Variants in STON2 observed in about 807,000 individuals in gnomAD.
STON2 encodes the protein stonin-2.
Under a neutral mutation model 65.7 loss-of-function variants are expected in STON2, and 29 were observed. That is an observed-to-expected ratio of 0.44 (90% CI 0.33 to 0.60). STON2 has a LOEUF of 0.60. Among genes scored for constraint, STON2 ranks in the 20% least tolerant of loss-of-function variants. The pLI, the probability that STON2 is intolerant of heterozygous loss-of-function variation, is 0.03. For missense variants in STON2, 1,054 were observed against 1,118.1 expected (o/e 0.94, Z 0.82); for synonymous variants, 404 against 414.2 (o/e 0.98, Z 0.30).
At chr14:81,341,455 T>TG (rs1388338424) in intron 4 of STON2, among the ~76,000 whole-genome samples, 4 of 120,806 alleles carry the variant, frequency 3.3e-5, no homozygotes, top group African/African-American at 8.9e-5. Context: ...TGTTTTTTTT[T>TG]TGTTTTTTTT....
chr14:81,313,216 A>AGATTT, intron 5 of STON2, among the ~76,000 whole-genome samples: 1 of 152,192 alleles, frequency 6.6e-6, no homozygotes, highest in East Asian at 1.9e-4. Flanking sequence ...GAACCCAGGG[A>AGATTT]GTTTTGTTTT....
At position 81,265,777 on chromosome 14, in the gene STON2, G is replaced by C. The variant is rs1399501038; in HGVS notation, c.*2637C>G. ...TTGGTAAAAAAAACAAAAAAGTCCA[G>C]GTGCATGTACACAGGAAATGAGAAT... On this transcript the variant is annotated 3_prime_UTR_variant, in exon 8 of 8. Coordinates refer to ENST00000614646, the MANE Select transcript of STON2 (RefSeq NM_001394390.1). 6 of 985,022 alleles carry C rather than the reference G, an allele frequency of 6.1e-6. No individual in the cohort carries two copies. Among genetic ancestry groups the C allele is most frequent in the Non-Finnish European group, 7.2e-6 (6 of 829,872 alleles). 61.0% of individuals were successfully genotyped at this position (985,022 alleles called of 1,614,324 possible).
chr14:81,310,408 A>G (rs185096754), intron 5 of STON2, among the ~76,000 whole-genome samples: 1 of 152,276 alleles, frequency 6.6e-6, no homozygotes, highest in African/African-American at 2.4e-5. Flanking sequence ...CCTATGAACA[A>G]TTAAGACAAA....
intron 3 of STON2, among the ~76,000 whole-genome samples, chr14:81,393,689 T>C (rs1017952007): frequency 1.1e-4 from 17 of 152,184 alleles, no homozygotes; most frequent in African/African-American, 4.1e-4. Flanking sequence ...AGACAATAAG[T>C]ATGCAGTAAA....
rs12894596 is a variant in STON2, at chr14:81,267,620, A to G, written c.*794T>C. The stretch of plus-strand genomic sequence containing the variant: ...ATTGAATCTACCTCTTGAACTGAAC[A>G]TCATCTTATATTTAATGTCTCTTTT... On this transcript the variant is annotated 3_prime_UTR_variant, in exon 8 of 8. Coordinates refer to ENST00000614646, the MANE Select transcript of STON2 (RefSeq NM_001394390.1). 216,855 of 984,910 alleles carry G rather than the reference A, an allele frequency of 0.22. 24,690 individuals carry two copies. The highest frequency in any genetic ancestry group is 0.36 in the African/African-American group (20,392 of 57,200). The allele number at this position is 984,910 out of a possible 1,614,324, so 61.0% of individuals were successfully genotyped here.
At chr14:81,281,195 A>G (rs2140131423) in intron 5 of STON2, among the ~76,000 whole-genome samples, 1 of 152,318 alleles carries the variant, frequency 6.6e-6, no homozygotes, top group South Asian at 2.1e-4. Context: ...TCTCCTTCAA[A>G]TTAAGCATGA....
At chr14:81,348,875 G>A (rs61986573) in intron 4 of STON2, among the ~76,000 whole-genome samples, 1 of 151,764 alleles carries the variant, frequency 6.6e-6, no homozygotes, top group Non-Finnish European at 1.5e-5. Context: ...TGACTAAACA[G>A]CATGGTAATG....
intron 7 of STON2, chr14:81,269,617 T>C (rs1400102824): frequency 1.0e-6 from 1 of 985,136 alleles, no homozygotes; most frequent in Non-Finnish European, 1.2e-6. Flanking sequence ...CAAGATGGAG[T>C]GTTTGTTCCT....
intron 3 of STON2, among the ~76,000 whole-genome samples, chr14:81,384,603 G>C (rs1382172181): frequency 6.6e-6 from 1 of 152,134 alleles, no homozygotes; most frequent in East Asian, 1.9e-4. Flanking sequence ...TCCCCCCGCA[G>C]AATGTGGGCT....
At chr14:81,435,711 G>GCA (rs1716109783) in intron 1 of STON2, among the ~76,000 whole-genome samples, 1 of 151,672 alleles carries the variant, frequency 6.6e-6, no homozygotes, top group East Asian at 1.9e-4. Flanking sequence ...ACACGCGCGC[G>GCA]CACACACGCA....
rs541004845 is a variant in STON2, at chr14:81,386,537, C to T, written c.373+9357G>A. Among the ~76,000 whole-genome samples the T allele has an allele frequency of 3.0e-4, 45 of 152,308 alleles. No individual in the cohort carries two copies. The South Asian group carries it at 3.7e-3, about 13-fold the overall frequency. On this transcript the variant is annotated intron_variant, in intron 3 of 7. Coordinates refer to ENST00000614646, the MANE Select transcript of STON2 (RefSeq NM_001394390.1). ...AGTTTCCCCAGACACAATGGGAAGG[C>T]CTTAGCCCAAGCTTTTAGGGAAGAC...
Position 81,396,052 on chromosome 14 carries a change from G to A in STON2, c.215C>T (p.Ser72Phe). The change falls in exon 3 of 8, where the codon TCT becomes TTT. Residue 72 changes from serine (S) to phenylalanine (F), a missense_variant. By Grantham distance (155) the Ser-to-Phe change is radical (BLOSUM62 -2). Transcript: ENST00000614646. ...DHSHSEQDDSSEKMGLISEAA... is the reference protein window; with the variant it reads ...DHSHSEQDDSFEKMGLISEAA... The stretch of plus-strand genomic sequence containing the variant: ...TTCAGAGATGAGGCCCATCTTTTCA[G>A]AGGAGTCATCCTGCTCCGAGTGGGA... 6.2e-7 allele frequency: 1 copy of A among 1,614,206 alleles called. No individual in the cohort carries two copies.
At chr14:81,433,331 C>T (rs905704345) in intron 1 of STON2, among the ~76,000 whole-genome samples, 7 of 152,190 alleles carry the variant, frequency 4.6e-5, no homozygotes, top group African/African-American at 1.7e-4. Flanking sequence ...TCACCTATTT[C>T]AATCTTCTCT....
Position 81,266,881 on chromosome 14 carries a change from A to G in STON2, c.*1533T>C. The G allele has an allele frequency of 2.0e-6, 2 of 982,484 alleles. No homozygotes were observed. Among genetic ancestry groups the G allele is most frequent in the Non-Finnish European group, 2.4e-6 (2 of 827,256 alleles). The allele number at this position is 982,484 out of a possible 1,614,324, so 60.9% of individuals were successfully genotyped here. Reference sequence around the variant, plus strand: ...CTCTGTACTTAGAGGGTTGCATTTTAAAAACCCAGAATATAGGGTTTCTCA... The same window carrying G: ...CTCTGTACTTAGAGGGTTGCATTTTGAAAACCCAGAATATAGGGTTTCTCA... On this transcript the variant is annotated 3_prime_UTR_variant, in exon 8 of 8. Transcript: ENST00000614646.
chr14:81,355,185 CAAG>C (rs887962688), intron 4 of STON2, among the ~76,000 whole-genome samples: 6 of 151,784 alleles, frequency 4.0e-5, no homozygotes, highest in African/African-American at 1.2e-4. Flanking sequence ...AACAGAAATT[CAAG>C]AAGGAGAAGA....
intron 4 of STON2, among the ~76,000 whole-genome samples, chr14:81,356,927 C>T (rs1171846644): frequency 2.0e-5 from 3 of 152,056 alleles, no homozygotes; most frequent in Non-Finnish European, 4.4e-5. Flanking sequence ...TGCTAGCTGT[C>T]TATCAATTTT....
intron 3 of STON2, among the ~76,000 whole-genome samples, chr14:81,374,437 A>G (rs1156538388): frequency 5.9e-5 from 9 of 152,168 alleles, no homozygotes; most frequent in East Asian, 1.9e-4. Flanking sequence ...CACAAAATGC[A>G]TAAGAAATCA....
At chr14:81,381,256 A>G (rs897895724) in intron 3 of STON2, among the ~76,000 whole-genome samples, 2 of 152,226 alleles carry the variant, frequency 1.3e-5, no homozygotes, top group African/African-American at 2.4e-5. Flanking sequence ...CAATATAGCC[A>G]AATGCATTCA....
intron 1 of STON2, among the ~76,000 whole-genome samples, chr14:81,430,116 C>T (rs1156781073): frequency 6.6e-6 from 1 of 152,104 alleles, no homozygotes; most frequent in African/African-American, 2.4e-5. Flanking sequence ...TAGCTAAATC[C>T]TCCTTCTCCA....
Sources: gnomAD v4.1 joint callset for allele counts (sites outside exome capture counted in the v4.1 genomes callset) on GRCh38, gnomAD v4.1.1 for gene constraint, MANE v1.5 for transcripts, NCBI Gene and HGNC (gene_info 2026-07-23, HGNC 2026-07-21) for gene names.